The following SOX5 variants were observed in gnomAD, a reference collection of about 807,000 sequenced individuals.
The protein encoded by SOX5 is transcription factor SOX-5.
A neutral mutation model predicts 92.0 loss-of-function variants in SOX5; 9 were observed. The observed-to-expected ratio is 0.10, with a 90% CI of 0.06 to 0.17. The LOEUF is 0.17. Among genes scored for constraint, SOX5 ranks in the 10% least tolerant of loss-of-function variants. The probability of loss-of-function intolerance (pLI) is 1.00; values close to 1 mark genes in which losing one functional copy is unlikely to be tolerated. For synonymous variants in SOX5, 344 were observed against 336.3 expected, an observed-to-expected ratio of 1.02 and a Z score of -0.25; for missense variants, 642 against 944.5, an observed-to-expected ratio of 0.68 and a Z score of 4.20.
chr12:23,980,399 A>G (rs551862717), intron 4 of SOX5, among the ~76,000 whole-genome samples: 3 of 152,068 alleles, frequency 2.0e-5, no homozygotes, highest in Admixed American at 1.3e-4. Flanking sequence ...TTTAAATGTA[A>G]TATTCCTTCA....
chr12:24,212,810 T>C (rs1445370246), intron 4 of SOX5, among the ~76,000 whole-genome samples: 2 of 152,338 alleles, frequency 1.3e-5, no homozygotes, highest in South Asian at 2.1e-4. Flanking sequence ...TCTCATTTCA[T>C]ACATGGTAGT....
Position 23,895,897 on chromosome 12 carries a change from C to T in SOX5, c.166G>A (p.Val56Met). The T allele has an allele frequency of 6.2e-7, 1 of 1,614,136 alleles. No individual in the cohort carries two copies. The highest frequency in any genetic ancestry group is 8.5e-7 in the Non-Finnish European group (1 of 1,179,990). Reference protein sequence around the residue: ...GLPAFHLPLHVSFPNKPHSEE... With the variant: ...GLPAFHLPLHMSFPNKPHSEE... The stretch of plus-strand genomic sequence containing the variant: ...GAGTGAGGCTTGTTGGGAAAACTCA[C>T]ATGCAAGGGAAGGTGAAAGGCTGGG... Residue 56 changes from valine to methionine, a missense_variant, in exon 2 of 15, where the codon GTG (valine) becomes ATG (methionine). Physicochemically the swap from Val to Met is conservative, Grantham distance 21. Transcript: ENST00000451604.
intron 3 of SOX5, among the ~76,000 whole-genome samples, chr12:24,224,032 G>C (rs1226106751): frequency 6.6e-6 from 1 of 152,214 alleles, no homozygotes; most frequent in African/African-American, 2.4e-5. Flanking sequence ...AGATCAAGAA[G>C]CAGCAGTGGT....
At position 23,707,029 on chromosome 12, in the gene SOX5, C is replaced by T. The variant is rs546739858; in HGVS notation, c.810+27655G>A. Among the ~76,000 whole-genome samples the T allele has an allele frequency of 3.9e-5, 6 of 152,172 alleles. No homozygotes were observed. The South Asian group carries it at 8.3e-4, about 21-fold the overall frequency. ...TTAACTCATGGCTTAAGACAATTCT[C>T]TATGATGTCCAAATGATCAATAATA... is the stretch of plus-strand genomic sequence containing the variant. On this transcript the variant is annotated intron_variant, in intron 6 of 14. Coordinates refer to ENST00000451604, the MANE Select transcript of SOX5 (RefSeq NM_006940.6).
At chr12:24,164,283 T>A (rs939919550) in intron 4 of SOX5, among the ~76,000 whole-genome samples, 25 of 152,068 alleles carry the variant, frequency 1.6e-4, no homozygotes, top group Non-Finnish European at 3.1e-4. Flanking sequence ...CATTTCAGAG[T>A]ATATAAAGTT....
intron 4 of SOX5, among the ~76,000 whole-genome samples, chr12:24,095,139 AGAG>A (rs1945217694): frequency 2.1e-4 from 29 of 136,788 alleles, no homozygotes; most frequent in African/African-American, 7.2e-4. Flanking sequence ...AGAGAGAGAG[AGAG>A]AGAGAGAGAG....
intron 4 of SOX5, among the ~76,000 whole-genome samples, chr12:24,207,438 T>C (rs1381638976): frequency 6.6e-6 from 1 of 151,744 alleles, no homozygotes; most frequent in African/African-American, 2.4e-5. Context: ...TGTCACAGAG[T>C]AAGACTCAGT....
At chr12:23,885,883 C>CAAA (rs34898602) in intron 2 of SOX5, among the ~76,000 whole-genome samples, 1 of 143,042 alleles carries the variant, frequency 7.0e-6, no homozygotes, top group African/African-American at 2.6e-5. Flanking sequence ...AAGAAAATGG[C>CAAA]AAAAAAAAAA....
rs551733162 is a variant in SOX5 at position 23,973,604 on chromosome 12, T to C, written c.-1-77580A>G. ...AAATATACAGTGAATTCCCCTTAAC[T>C]GCAGGAGACACATTCCAATACTCAT... On this transcript the variant is annotated intron_variant, in intron 4 of 4. Coordinates refer to the SOX5 transcript ENST00000446891. Among the ~76,000 whole-genome samples the C allele has an allele frequency of 2.6e-5, 4 of 152,356 alleles. No individual in the cohort carries two copies. In the East Asian group the frequency reaches 7.7e-4, roughly 29 times the overall value.
intron 4 of SOX5, among the ~76,000 whole-genome samples, chr12:24,208,682 CA>C (rs374201382): frequency 2.0e-5 from 3 of 152,164 alleles, no homozygotes; most frequent in African/African-American, 7.2e-5. Flanking sequence ...CATTTGGCTA[CA>C]GCTCTTCACG....
intron 4 of SOX5, among the ~76,000 whole-genome samples, chr12:24,063,815 T>TAA (rs1940178020): frequency 6.6e-6 from 1 of 152,252 alleles, no homozygotes; most frequent in African/African-American, 2.4e-5. Context: ...ATACTTGCTC[T>TAA]GTACGTTTAG....
intron 4 of SOX5, among the ~76,000 whole-genome samples, chr12:23,989,168 G>A (rs1995180): frequency 0.054 from 7,850 of 145,848 alleles, 633 homozygotes; most frequent in East Asian, 0.39. Context: ...GAGCTCAGGA[G>A]TTGGACACCA....
intron 3 of SOX5, among the ~76,000 whole-genome samples, chr12:23,801,954 A>C (rs905154132): frequency 3.9e-5 from 6 of 152,238 alleles, no homozygotes; most frequent in Non-Finnish European, 7.3e-5. Flanking sequence ...TTTACATATC[A>C]ACTATTAAAA....
intron 3 of SOX5, among the ~76,000 whole-genome samples, chr12:23,816,486 C>G (rs1370721443): frequency 6.6e-6 from 1 of 152,110 alleles, no homozygotes; most frequent in African/African-American, 2.4e-5. Context: ...ACGTGAGCCA[C>G]TGCGCCTAGC....
At chr12:24,038,893 T>C (rs4963739) in intron 4 of SOX5, among the ~76,000 whole-genome samples, 74,734 of 152,014 alleles carry the variant, frequency 0.49, 18,559 homozygotes, top group Middle Eastern at 0.56. Context: ...TACAGAATTC[T>C]CTGTGGTTTT....
chr12:23,792,571 C>A (rs540776507), intron 3 of SOX5, among the ~76,000 whole-genome samples: 1 of 124,938 alleles, frequency 8.0e-6, no homozygotes, highest in South Asian at 2.6e-4. Context: ...TGCAGTGAGC[C>A]GAGATCTTAC....
At chr12:23,535,482 C>T (rs1248524976) in intron 14 of SOX5, among the ~76,000 whole-genome samples, 1 of 152,184 alleles carries the variant, frequency 6.6e-6, no homozygotes, top group Non-Finnish European at 1.5e-5. Context: ...GACCCTGTCT[C>T]CTCATTTTTG....
At chr12:23,553,520 A>C (rs1592004697) in intron 11 of SOX5, among the ~76,000 whole-genome samples, 2 of 152,216 alleles carry the variant, frequency 1.3e-5, no homozygotes, top group East Asian at 3.9e-4. Context: ...TATGGTGTGT[A>C]CATGTGGAAG....
intron 11 of SOX5, among the ~76,000 whole-genome samples, chr12:23,550,480 A>G (rs1029613234): frequency 4.6e-5 from 7 of 151,914 alleles, no homozygotes; most frequent in African/African-American, 1.7e-4. Context: ...AGTGGGGAAA[A>G]TTGAAAAGAC....
Sources: gnomAD v4.1 joint callset for allele counts (sites outside exome capture counted in the v4.1 genomes callset) on GRCh38, gnomAD v4.1.1 for gene constraint, MANE v1.5 for transcripts, NCBI Gene and HGNC (gene_info 2026-07-23, HGNC 2026-07-21) for gene names.